ATPSCKMT: variants seen among roughly 807,000 people sequenced by gnomAD.
The protein encoded by ATPSCKMT is ATP synthase c subunit lysine N-methyltransferase, also known as ATP synthase subunit C lysine N-methyltransferase.
A neutral mutation model predicts 24.3 loss-of-function variants in ATPSCKMT; 24 were observed. The ratio of observed to expected loss-of-function variants is 0.99; its 90% CI spans 0.71 to 1.39. The LOEUF (loss-of-function observed/expected upper bound fraction) is 1.39. Ranked by LOEUF, ATPSCKMT falls within the 40% of genes most tolerant of loss-of-function variation. ATPSCKMT has a pLI of 0.00. For synonymous variants in ATPSCKMT, 95 were observed against 110.5 expected, an observed-to-expected ratio of 0.86 and a Z score of 0.88; for missense variants, 311 against 298.4, an observed-to-expected ratio of 1.04 and a Z score of -0.31.
chr5:10,225,565 G>A lies in ATPSCKMT; in HGVS notation c.*1876C>T, dbSNP rs369929022. Among the ~76,000 whole-genome samples, 19 of 152,218 alleles carry A rather than the reference G, an allele frequency of 1.2e-4. No individual in the cohort carries two copies. The highest frequency in any genetic ancestry group is 2.1e-4 in the South Asian group (1 of 4,820). ...GTTCCATGTGGCTGGAATATCTTACGTGAATGGTAGTAGGCAAAAAGAGCT... is the reference window on the plus strand; with the variant it reads ...GTTCCATGTGGCTGGAATATCTTACATGAATGGTAGTAGGCAAAAAGAGCT... On this transcript the variant is annotated 3_prime_UTR_variant, in exon 5 of 5. Transcript: ENST00000511437.
intron 4 of ATPSCKMT, among the ~76,000 whole-genome samples, 166 bp from the exon 5 acceptor site, chr5:10,227,813 A>G (rs1390096690): frequency 6.6e-6 from 1 of 152,242 alleles, no homozygotes; most frequent in Non-Finnish European, 1.5e-5. Context: ...ATTGAAATAC[A>G]GAAGATACAC....
At chr5:10,227,715 T>C in intron 4 of ATPSCKMT, 68 bp from the exon 5 acceptor site, 2 of 1,475,532 alleles carry the variant, frequency 1.4e-6, no homozygotes, top group Admixed American at 3.7e-5. Flanking sequence ...AAATTTCCTG[T>C]TTTTAAGAGT....
chr5:10,237,773 G>A (rs1744440336), intron 2 of ATPSCKMT, among the ~76,000 whole-genome samples: 1 of 151,394 alleles, frequency 6.6e-6, no homozygotes, highest in African/African-American at 2.4e-5. Context: ...TTGAGATGGA[G>A]TCTCGCTCTG....
intron 1 of ATPSCKMT, among the ~76,000 whole-genome samples, chr5:10,249,127 G>A (rs944678402): frequency 6.6e-6 from 1 of 152,030 alleles, no homozygotes; most frequent in African/African-American, 2.4e-5. Context: ...AAATTAGCGA[G>A]CGTGGTGGTT....
intron 1 of ATPSCKMT, among the ~76,000 whole-genome samples, chr5:10,241,079 C>T (rs575315861): frequency 5.3e-5 from 8 of 152,078 alleles, no homozygotes; most frequent in African/African-American, 1.4e-4. Context: ...GGCAGGCCTG[C>T]GTTCCTTCTG....
intron 1 of ATPSCKMT, 96 bp downstream of exon 1, chr5:10,249,761 CG>C: frequency 6.7e-7 from 1 of 1,485,728 alleles, no homozygotes; most frequent in Non-Finnish European, 9.0e-7. Context: ...ACCCGGTCAC[CG>C]CCTCGACAGT....
In ATPSCKMT at chr5:10,225,731, G is replaced by T. The variant is rs1056734110; in HGVS notation, c.*1710C>A. Among the ~76,000 whole-genome samples the T allele has an allele frequency of 6.6e-6, 1 of 152,076 alleles. No individual in the cohort carries two copies. The highest frequency in any genetic ancestry group is 2.4e-5 in the African/African-American group (1 of 41,414). Reference sequence around the variant, plus strand: ...CTTCCCACAACACGTGGGAATTCAAGATGAGATTTGGGTAGGGACACAGCC... The same window carrying T: ...CTTCCCACAACACGTGGGAATTCAATATGAGATTTGGGTAGGGACACAGCC... On this transcript the variant is annotated 3_prime_UTR_variant, in exon 5 of 5. Transcript: ENST00000511437.
chr5:10,231,361 C>T (rs1744127333), intron 4 of ATPSCKMT, among the ~76,000 whole-genome samples: 1 of 152,088 alleles, frequency 6.6e-6, no homozygotes, highest in Non-Finnish European at 1.5e-5. Flanking sequence ...ACCTGTCTCC[C>T]AGCTTGTACC....
chr5:10,238,783 T>C (rs1744490146), intron 2 of ATPSCKMT, among the ~76,000 whole-genome samples: 2 of 152,240 alleles, frequency 1.3e-5, no homozygotes, highest in African/African-American at 4.8e-5. Flanking sequence ...GCCACCTCTG[T>C]TGGCCCATGT....
chr5:10,234,456 T>G (rs1038069089), intron 4 of ATPSCKMT, among the ~76,000 whole-genome samples: 9 of 152,230 alleles, frequency 5.9e-5, no homozygotes, highest in Admixed American at 4.6e-4. Flanking sequence ...ATACAAAAAT[T>G]TGGGTATTAA....
intron 2 of ATPSCKMT, chr5:10,237,169 C>T: frequency 1.8e-6 from 1 of 560,056 alleles, no homozygotes; most frequent in Admixed American, 2.6e-5. Context: ...ATCCCACTGG[C>T]CTCCGGAGAG....
At position 10,236,512 on chromosome 5, in the gene ATPSCKMT, C is replaced by A. The variant is rs533296845; in HGVS notation, c.410G>T (p.Gly137Val). 5.6e-6 allele frequency: 9 copies of A among 1,614,170 alleles called. No homozygotes were observed. The East Asian group carries it at 1.3e-4, about 24-fold the overall frequency. Residue 137 changes from glycine (G) to valine (V), a missense_variant, in exon 3 of 5, where the codon GGA becomes GTA. By Grantham distance (109) the Gly-to-Val change is moderately radical. Coordinates refer to ENST00000511437, the MANE Select transcript of ATPSCKMT (RefSeq NM_199133.4). ...RYRAWREGVH[G>V]SAKFYISDLW... is the part of the protein sequence containing the mutation. ...ATCTGAAATATAAAATTTGGCAGAT[C>A]CATGCACACCTTCTCGCCAAGCGCG...
At chr5:10,230,492 G>A (rs1021796615) in intron 4 of ATPSCKMT, among the ~76,000 whole-genome samples, 2 of 152,236 alleles carry the variant, frequency 1.3e-5, no homozygotes, top group Middle Eastern at 3.4e-3. Flanking sequence ...AATGAAAGGA[G>A]CTATTTCCAT....
chr5:10,235,366 G>A (rs1033590282), intron 3 of ATPSCKMT, 105 bp from the exon 4 acceptor site: 3 of 1,004,568 alleles, frequency 3.0e-6, no homozygotes, highest in African/African-American at 1.6e-5. Flanking sequence ...TTACCAAACG[G>A]TGGGTTTTGA....
At chr5:10,230,181 T>G (rs1319102689) in intron 4 of ATPSCKMT, among the ~76,000 whole-genome samples, 3 of 152,148 alleles carry the variant, frequency 2.0e-5, no homozygotes, top group African/African-American at 7.2e-5. Context: ...TAAATTCTAA[T>G]TCTTCATTAG....
At chr5:10,237,900 T>C (rs2445870) in intron 2 of ATPSCKMT, among the ~76,000 whole-genome samples, 31,536 of 151,988 alleles carry the variant, frequency 0.21, 4,578 homozygotes, top group East Asian at 0.77. Flanking sequence ...GCGTGCACCA[T>C]CATGCCTGGC....
intron 1 of ATPSCKMT, among the ~76,000 whole-genome samples, chr5:10,245,029 A>G (rs2578623): frequency 0.33 from 50,518 of 152,140 alleles, 9,311 homozygotes; most frequent in East Asian, 0.72. Context: ...TGGGTTACAC[A>G]GTTCTGGAGT....
intron 4 of ATPSCKMT, among the ~76,000 whole-genome samples, chr5:10,227,896 A>G (rs1255387706): frequency 6.6e-6 from 1 of 152,224 alleles, no homozygotes; most frequent in African/African-American, 2.4e-5. Context: ...TCTATCATAG[A>G]TTTATAGTTT....
At chr5:10,240,188 C>T (rs1412912087) in intron 1 of ATPSCKMT, among the ~76,000 whole-genome samples, 4 of 150,916 alleles carry the variant, frequency 2.7e-5, no homozygotes, top group East Asian at 1.9e-4. Flanking sequence ...GAGCCGAGAT[C>T]GCACCACTGC....
Sources: gnomAD v4.1 joint callset for allele counts (sites outside exome capture counted in the v4.1 genomes callset) on GRCh38, gnomAD v4.1.1 for gene constraint, MANE v1.5 for transcripts, NCBI Gene and HGNC (gene_info 2026-07-23, HGNC 2026-07-21) for gene names.